CAMKMT: variants seen among roughly 807,000 people sequenced by gnomAD.
CAMKMT encodes CaM KMT.
A neutral mutation model predicts 48.0 loss-of-function variants in CAMKMT; 53 were observed. That is an observed-to-expected ratio of 1.10 (90% CI 0.89 to 1.39). The LOEUF is 1.39. CAMKMT is among the 40% of genes most tolerant of loss of function. The pLI is 0.00. For synonymous variants in CAMKMT, 165 were observed against 152.3 expected (o/e 1.08, Z -0.61); for missense variants, 428 against 402.7 (o/e 1.06, Z -0.54).
chr2:44,525,862 T>A (rs1457846004), intron 3 of CAMKMT, among the ~76,000 whole-genome samples: 1 of 151,274 alleles, frequency 6.6e-6, no homozygotes, highest in East Asian at 2.0e-4. Flanking sequence ...TTTCTTTTCT[T>A]TTATTATTAT....
rs552064935 is a variant in CAMKMT, at chr2:44,637,044, G to T, written c.377-67239G>T. On this transcript the variant is annotated intron_variant, in intron 3 of 10. Transcript: ENST00000378494. ...TAGCAGGTAAGAGGGGAAAAAAAAT[G>T]GGTTACTGATTTGACATACTGCTGT... Among the ~76,000 whole-genome samples, 9 of 152,304 alleles carry T rather than the reference G, an allele frequency of 5.9e-5. No homozygotes were observed. In the South Asian group the frequency reaches 1.5e-3, roughly 25 times the overall value.
intron 3 of CAMKMT, among the ~76,000 whole-genome samples, chr2:44,392,688 A>G (rs1279931127): frequency 6.6e-6 from 1 of 152,006 alleles, no homozygotes; most frequent in Non-Finnish European, 1.5e-5. Context: ...AATATATTTA[A>G]TATATTCAGT....
rs145456250 is a variant in CAMKMT, at chr2:44,484,966, A to G, written c.376+94661A>G. ...CCAAATGGCCGATAAACAGAAAAAG[A>G]TACTAAACCGAAATAGTCACCAGGT... On this transcript the variant is annotated intron_variant, in intron 3 of 10. Transcript: ENST00000378494. Among the ~76,000 whole-genome samples, 49 of 152,330 alleles carry G rather than the reference A, an allele frequency of 3.2e-4. No individual in the cohort carries two copies. The East Asian group carries it at 8.9e-3, about 28-fold the overall frequency.
intron 3 of CAMKMT, among the ~76,000 whole-genome samples, chr2:44,464,665 T>C (rs1349946069): frequency 6.6e-6 from 1 of 151,802 alleles, no homozygotes; most frequent in African/African-American, 2.4e-5. Flanking sequence ...TCAGAAAGAG[T>C]TGGAAGATAT....
At chr2:44,412,933 A>G (rs1454552665) in intron 3 of CAMKMT, among the ~76,000 whole-genome samples, 1 of 151,528 alleles carries the variant, frequency 6.6e-6, no homozygotes, top group Admixed American at 6.6e-5. Flanking sequence ...AAAATTAGCC[A>G]GGTGTGGTGG....
intron 3 of CAMKMT, among the ~76,000 whole-genome samples, chr2:44,480,892 A>G (rs540781980): frequency 1.3e-5 from 2 of 152,106 alleles, no homozygotes; most frequent in African/African-American, 4.8e-5. Context: ...ATACATAGAG[A>G]TGCATATATA....
chr2:44,363,818 A>C lies in CAMKMT; in HGVS notation c.138+1673A>C, dbSNP rs149269689. On this transcript the variant is annotated intron_variant, in intron 1 of 10. Transcript: ENST00000378494. ...AATTCTCCCGTACTCAGCCTTCCGA[A>C]TAGCTGGGATTACAGGTGCTCGCCA... 8.8e-3 allele frequency among the ~76,000 whole-genome samples: 1,328 copies of C among 150,586 alleles called. 13 individuals carry two copies. Among genetic ancestry groups the C allele is most frequent in the Non-Finnish European group, 0.015 (1,016 of 67,614 alleles).
intron 3 of CAMKMT, among the ~76,000 whole-genome samples, chr2:44,500,330 C>G (rs977559828): frequency 6.6e-6 from 1 of 151,924 alleles, no homozygotes; most frequent in Non-Finnish European, 1.5e-5. Flanking sequence ...CTCTTTTGAG[C>G]TTGTCTTATT....
chr2:44,419,992 G>A (rs1168449006), intron 3 of CAMKMT, among the ~76,000 whole-genome samples: 1 of 151,918 alleles, frequency 6.6e-6, no homozygotes, highest in African/African-American at 2.4e-5. Context: ...AGTATTTAGA[G>A]CTTTTTGCCA....
intron 7 of CAMKMT, among the ~76,000 whole-genome samples, chr2:44,722,251 T>C (rs947852328): frequency 1.3e-5 from 2 of 151,868 alleles, no homozygotes; most frequent in Non-Finnish European, 2.9e-5. Context: ...ACAAGTTTCA[T>C]TTCTCTTGGG....
intron 1 of CAMKMT, among the ~76,000 whole-genome samples, chr2:44,367,155 C>T (rs1477702777): frequency 6.6e-6 from 1 of 152,132 alleles, no homozygotes; most frequent in African/African-American, 2.4e-5. Context: ...TGTTAACTGT[C>T]CTTTTAACTG....
chr2:44,671,678 AT>A (rs1021844042), intron 3 of CAMKMT, among the ~76,000 whole-genome samples: 10 of 152,074 alleles, frequency 6.6e-5, no homozygotes, highest in Non-Finnish European at 1.2e-4. Flanking sequence ...ATTTTCAGGG[AT>A]TTTTTTGGTG....
In CAMKMT at chr2:44,594,615, G is replaced by A. The variant is rs575370361; in HGVS notation, c.377-109668G>A. 1.9e-3 allele frequency among the ~76,000 whole-genome samples: 296 copies of A among 152,216 alleles called. No homozygotes were observed. The Middle Eastern group carries it at 0.024, about 12-fold the overall frequency. ...GGGAAAACTGGCTAGCCATATGCAG[G>A]AAGCTGAAACTGGATCCCTTCCTTA... is the stretch of plus-strand genomic sequence containing the variant. On this transcript the variant is annotated intron_variant, in intron 3 of 10. Transcript: ENST00000378494.
intron 3 of CAMKMT, among the ~76,000 whole-genome samples, chr2:44,490,837 A>G (rs185875551): frequency 1.3e-5 from 2 of 152,242 alleles, no homozygotes; most frequent in African/African-American, 2.4e-5. Flanking sequence ...GAAAACAGCA[A>G]TGAAGTCATT....
chr2:44,532,816 A>AT (rs1666557691), intron 3 of CAMKMT, among the ~76,000 whole-genome samples: 2 of 142,134 alleles, frequency 1.4e-5, no homozygotes, highest in African/African-American at 5.5e-5. Context: ...ATGCCATTAA[A>AT]GTTTTTTTTT....
chr2:44,449,788 C>A (rs907306449), intron 3 of CAMKMT, among the ~76,000 whole-genome samples: 7 of 152,074 alleles, frequency 4.6e-5, no homozygotes, highest in Non-Finnish European at 7.4e-5. Flanking sequence ...AAAAGGGATT[C>A]TGATATTTTA....
chr2:44,668,584 A>G (rs1365482826), intron 3 of CAMKMT, among the ~76,000 whole-genome samples: 1 of 152,130 alleles, frequency 6.6e-6, no homozygotes, highest in East Asian at 1.9e-4. Context: ...ATAGTGTTCT[A>G]TTGCCTCACC....
At chr2:44,459,830 A>G (rs754583982) in intron 3 of CAMKMT, among the ~76,000 whole-genome samples, 4 of 152,324 alleles carry the variant, frequency 2.6e-5, no homozygotes, top group Non-Finnish European at 5.9e-5. Flanking sequence ...TAACTGGGGC[A>G]GACAGCCATA....
intron 3 of CAMKMT, among the ~76,000 whole-genome samples, chr2:44,557,016 A>C (rs1048201473): frequency 6.6e-6 from 1 of 152,216 alleles, no homozygotes; most frequent in Non-Finnish European, 1.5e-5. Flanking sequence ...AACAGCATGC[A>C]AAAGTTTTAT....
Sources: gnomAD v4.1 joint callset for allele counts (sites outside exome capture counted in the v4.1 genomes callset) on GRCh38, gnomAD v4.1.1 for gene constraint, MANE v1.5 for transcripts, NCBI Gene and HGNC (gene_info 2026-07-23, HGNC 2026-07-21) for gene names.